Variants in LRRC20 observed in about 807,000 individuals in gnomAD.
The protein encoded by LRRC20 is leucine rich repeat containing 20.
In LRRC20, 11 loss-of-function variants were observed where a neutral mutation model predicts 14.4. The observed-to-expected ratio is 0.77, with a 90% CI of 0.48 to 1.27. LRRC20 has a LOEUF of 1.27. Ranked by LOEUF, LRRC20 falls within the 50% of genes most tolerant of loss-of-function variation. The pLI is 0.00. For synonymous variants in LRRC20, 121 were observed against 107.3 expected (o/e 1.13, Z -0.79); for missense variants, 219 against 251.2 (o/e 0.87, Z 0.87).
At chr10:70,372,744 GAA>G (rs1844348822) in intron 2 of LRRC20, among the ~76,000 whole-genome samples, 2 of 151,984 alleles carry the variant, frequency 1.3e-5, no homozygotes, top group African/African-American at 4.8e-5. Context: ...GCCCGGCCGA[GAA>G]TGTGCCAGTC....
intron 3 of LRRC20, among the ~76,000 whole-genome samples, chr10:70,337,223 G>T (rs989844803): frequency 2.0e-5 from 3 of 152,174 alleles, no homozygotes; most frequent in East Asian, 3.9e-4. Flanking sequence ...GCTGAGCTCA[G>T]CCAGGCCTAT....
intron 2 of LRRC20, among the ~76,000 whole-genome samples, chr10:70,355,490 AGCTACT>A (rs1378716229): frequency 6.6e-6 from 1 of 152,152 alleles, no homozygotes; most frequent in Non-Finnish European, 1.5e-5. Context: ...TAGCACACAC[AGCTACT>A]GGGCCCGGGA....
chr10:70,380,376 T>C (rs1296628185), intron 1 of LRRC20, among the ~76,000 whole-genome samples: 1 of 152,168 alleles, frequency 6.6e-6, no homozygotes, highest in African/African-American at 2.4e-5. Flanking sequence ...TAGGAAGCCA[T>C]CCTCCCTTCA....
At chr10:70,367,683 C>T (rs1157063137) in intron 2 of LRRC20, among the ~76,000 whole-genome samples, 4 of 152,000 alleles carry the variant, frequency 2.6e-5, no homozygotes, top group African/African-American at 7.3e-5. Flanking sequence ...TCAGTGACTC[C>T]CAGGTACCAG....
intron 2 of LRRC20, among the ~76,000 whole-genome samples, chr10:70,370,496 G>A (rs1461867870): frequency 1.3e-5 from 2 of 152,340 alleles, no homozygotes; most frequent in South Asian, 4.1e-4. Flanking sequence ...GCTCAAGCCT[G>A]TAATCCTAGC....
At chr10:70,344,779 C>T (rs751087609) in intron 2 of LRRC20, among the ~76,000 whole-genome samples, 1 of 152,122 alleles carries the variant, frequency 6.6e-6, no homozygotes, top group Non-Finnish European at 1.5e-5. Flanking sequence ...GTTACTCAGG[C>T]TAGTCTTGAA....
intron 3 of LRRC20, among the ~76,000 whole-genome samples, chr10:70,324,294 A>C (rs1015294465): frequency 1.3e-5 from 2 of 152,220 alleles, no homozygotes; most frequent in African/African-American, 2.4e-5. Context: ...AGGCTCTCCC[A>C]GCAGAAGCCT....
At position 70,340,575 on chromosome 10, in the gene LRRC20, C is replaced by T; in HGVS notation, c.210G>A (p.Met70Ile). The T allele has an allele frequency of 1.2e-6, 2 of 1,614,154 alleles. No individual in the cohort carries two copies. The highest frequency in any genetic ancestry group is 1.7e-6 in the Non-Finnish European group (2 of 1,180,026). Residue 70 changes from methionine to isoleucine, a missense_variant, in exon 3 of 5, where the codon ATG becomes ATA. Physicochemically the swap from Met to Ile is conservative, Grantham distance 10. Coordinates refer to ENST00000446961, the MANE Select transcript of LRRC20 (RefSeq NM_001278212.2). The part of the protein sequence containing the change: ...NELKSLTSKF[M>I]TTFSQLRELH... ...TACCTCGGAGCTGACTGAATGTGGT[C>T]ATGAACTTGCTGGTGAGGGACTTAA...
chr10:70,379,052 A>G (rs59046260), intron 1 of LRRC20, among the ~76,000 whole-genome samples: 6,366 of 152,286 alleles, frequency 0.042, 220 homozygotes, highest in African/African-American at 0.097. Context: ...CACACTGAAC[A>G]CAGGTGCTTA....
chr10:70,301,028 A>G lies in LRRC20; in HGVS notation c.*326T>C, dbSNP rs894144147. The G allele has an allele frequency of 7.3e-6, 8 of 1,094,698 alleles. No homozygotes were observed. The African/African-American group carries it at 1.3e-4, about 18-fold the overall frequency. 67.8% of individuals were successfully genotyped at this position (1,094,698 alleles called of 1,614,324 possible). ...ACTTGGAGGCACGTACTGCTTAAAA[A>G]CCTCCAGGGAGCCCAAAGGAGGGAA... On this transcript the variant is annotated 3_prime_UTR_variant, in exon 5 of 5. Coordinates refer to ENST00000446961, the MANE Select transcript of LRRC20 (RefSeq NM_001278212.2).
At chr10:70,323,791 CG>C (rs1320640381) in intron 4 of LRRC20, 71 bp downstream of exon 4, 1 of 1,531,320 alleles carries the variant, frequency 6.5e-7, no homozygotes, top group Admixed American at 1.7e-5. Flanking sequence ...CTGTGAAGGT[CG>C]ACTCCAGAGT....
intron 3 of LRRC20, among the ~76,000 whole-genome samples, chr10:70,335,138 T>C (rs375168668): frequency 7.9e-5 from 12 of 152,162 alleles, no homozygotes; most frequent in East Asian, 3.9e-4. Context: ...TCAGGGACAG[T>C]GTAAAGAACA....
At chr10:70,369,577 G>A (rs1459657159) in intron 2 of LRRC20, among the ~76,000 whole-genome samples, 1 of 126,994 alleles carries the variant, frequency 7.9e-6, no homozygotes, top group Non-Finnish European at 1.6e-5. Flanking sequence ...GCACTCCAGC[G>A]CCTGGGTGAC....
chr10:70,380,562 G>A (rs1441302118), intron 1 of LRRC20, among the ~76,000 whole-genome samples: 5 of 152,200 alleles, frequency 3.3e-5, no homozygotes, highest in South Asian at 4.1e-4. Context: ...CCAGATCGCC[G>A]CTTGGGGCAC....
intron 4 of LRRC20, among the ~76,000 whole-genome samples, chr10:70,305,929 A>G: frequency 6.6e-6 from 1 of 152,000 alleles, no homozygotes; most frequent in East Asian, 1.9e-4. Flanking sequence ...TTTAGTAGAG[A>G]CGGGATTTCA....
intron 2 of LRRC20, among the ~76,000 whole-genome samples, chr10:70,355,538 C>G (rs1318262191): frequency 6.6e-6 from 1 of 152,152 alleles, no homozygotes; most frequent in Non-Finnish European, 1.5e-5. Flanking sequence ...CAGAAAGGCA[C>G]TTCGGGAAGG....
At chr10:70,334,284 C>T (rs1842640624) in intron 3 of LRRC20, among the ~76,000 whole-genome samples, 1 of 152,188 alleles carries the variant, frequency 6.6e-6, no homozygotes, top group Admixed American at 6.5e-5. Context: ...TCCTGAGCCC[C>T]CTCTTCTTTT....
chr10:70,332,195 T>A (rs1025272399), intron 3 of LRRC20, among the ~76,000 whole-genome samples: 2 of 152,166 alleles, frequency 1.3e-5, no homozygotes, highest in Non-Finnish European at 2.9e-5. Context: ...TGAGGAGGCT[T>A]CACACAGAGA....
chr10:70,378,773 CAAAAA>C (rs58126984), intron 1 of LRRC20, among the ~76,000 whole-genome samples: 2 of 67,432 alleles, frequency 3.0e-5, no homozygotes, highest in South Asian at 5.5e-4. Flanking sequence ...ACCTCGCGCT[CAAAAA>C]AAAAAAAAAA....
Sources: allele counts gnomAD v4.1 joint callset (sites outside exome capture counted in the v4.1 genomes callset), GRCh38; gene constraint gnomAD v4.1.1; transcripts MANE v1.5; gene names NCBI Gene and HGNC (gene_info 2026-07-23, HGNC 2026-07-21).